The following GID4 variants were observed in gnomAD, a reference collection of about 807,000 sequenced individuals.
GID4 encodes the protein GID complex subunit 4 homolog.
A neutral mutation model predicts 32.4 loss-of-function variants in GID4; 7 were observed. The ratio of observed to expected loss-of-function variants is 0.22; its 90% CI spans 0.12 to 0.41. The LOEUF (loss-of-function observed/expected upper bound fraction) is 0.41, where lower values mean the gene tolerates loss of function less well. Among genes scored for constraint, GID4 ranks in the 10% least tolerant of loss-of-function variants. The probability of loss-of-function intolerance (pLI) is 1.00; values close to 1 mark genes in which losing one functional copy is unlikely to be tolerated. For missense variants in GID4, 309 were observed against 400.0 expected, an observed-to-expected ratio of 0.77 and a Z score of 1.94; for synonymous variants, 166 against 170.0, an observed-to-expected ratio of 0.98 and a Z score of 0.18.
Position 18,039,598 on chromosome 17 carries a change from C to T in GID4, c.134C>T (p.Pro45Leu). ...RQRAGGRPSR[P>L]HPARARPGLS... ...CGGGCGGGTGGTCGCCCCTCCCGCC[C>T]CCACCCCGCGCGTGCGCGCCCCGGC... The change falls in exon 1 of 6, where the codon CCC (proline) becomes CTC (leucine). Residue 45 changes from proline (P) to leucine (L), a missense_variant. By Grantham distance (98) the Pro-to-Leu change is moderately conservative (BLOSUM62 -3). Coordinates refer to ENST00000268719, the MANE Select transcript of GID4 (RefSeq NM_024052.5). The surrounding 1 kb of genome is among the most constrained non-coding windows in gnomAD (Gnocchi z 5.3). The T allele has an allele frequency of 7.7e-7, 1 of 1,296,056 alleles. No homozygotes were observed. The highest frequency in any genetic ancestry group is 1.6e-5 in the African/African-American group (1 of 64,392). 80.3% of individuals were successfully genotyped at this position (1,296,056 alleles called of 1,614,324 possible). A position where few individuals can be genotyped will look rare whatever the true frequency, so the allele number is the denominator to read the frequency against.
At chr17:18,056,199 A>T (rs2044965488) in intron 3 of GID4, among the ~76,000 whole-genome samples, 1 of 152,214 alleles carries the variant, frequency 6.6e-6, no homozygotes, top group South Asian at 2.1e-4. Context: ...TCTATCAAAT[A>T]CTGAGGTTCA....
rs1205382797 is a variant in GID4, at chr17:18,067,739, G to A, written c.*2496G>A. 2 of 152,590 alleles carry A rather than the reference G, an allele frequency of 1.3e-5. No homozygotes were observed. Among genetic ancestry groups the A allele is most frequent in the East Asian group, 1.9e-4 (1 of 5,198 alleles). 9.5% of individuals were successfully genotyped at this position (152,590 alleles called of 1,614,324 possible). ...TGTGCAATATTTTTGGTTGACACTTGTATCCATCCTTAAGAAATTAGTGCA... is the reference window on the plus strand; with the variant it reads ...TGTGCAATATTTTTGGTTGACACTTATATCCATCCTTAAGAAATTAGTGCA... On this transcript the variant is annotated 3_prime_UTR_variant, in exon 6 of 6. Transcript: ENST00000268719.
chr17:18,053,384 G>T (rs759735499), intron 2 of GID4, among the ~76,000 whole-genome samples: 2 of 151,388 alleles, frequency 1.3e-5, no homozygotes, highest in Non-Finnish European at 2.9e-5. Flanking sequence ...AGGCCAAGGC[G>T]GGTGGATCAC....
Position 18,061,987 on chromosome 17 carries a change from T to G in GID4, c.839+12T>G, listed in dbSNP as rs2045021156. On this transcript the variant is annotated intron_variant, in intron 5 of 5. Coordinates refer to ENST00000268719, the MANE Select transcript of GID4 (RefSeq NM_024052.5). This position sits in a 1 kb window ranked among gnomAD's most constrained non-coding sequence, Gnocchi z 4.4. ...AGGAGTTCAGAATGGTGAGGACCTCTGAGGACAGAGGCCACGGGGAGGGCT... is the reference window on the plus strand; with the variant it reads ...AGGAGTTCAGAATGGTGAGGACCTCGGAGGACAGAGGCCACGGGGAGGGCT... 1 of 1,612,806 alleles carries G rather than the reference T, an allele frequency of 6.2e-7. No individual in the cohort carries two copies.
intron 5 of GID4, among the ~76,000 whole-genome samples, chr17:18,063,824 C>T (rs1225571535): frequency 6.6e-6 from 1 of 152,160 alleles, no homozygotes; most frequent in Non-Finnish European, 1.5e-5. Flanking sequence ...CTCACTGCAA[C>T]CTCCGCCTCC....
chr17:18,046,621 TA>T (rs541538647), intron 2 of GID4, among the ~76,000 whole-genome samples: 164 of 138,336 alleles, frequency 1.2e-3, no homozygotes, highest in Non-Finnish European at 1.2e-3. Flanking sequence ...CCTCTCTCTT[TA>T]AAAAAAAAAA....
Position 18,039,759 on chromosome 17 carries a change from G to T in GID4, c.295G>T (p.Ala99Ser). The T allele has an allele frequency of 6.4e-7, 1 of 1,563,826 alleles. No homozygotes were observed. The highest frequency in any genetic ancestry group is 8.6e-7 in the Non-Finnish European group (1 of 1,157,488). Residue 99 changes from alanine (A) to serine (S), a missense_variant, in exon 1 of 6, where the codon GCC becomes TCC. Physicochemically the swap from Ala to Ser is moderately conservative, Grantham distance 99. This residue lies in a region of GID4 where 193 missense variants were observed against 185.8 expected (regional missense o/e 1.04). Coordinates refer to ENST00000268719, the MANE Select transcript of GID4 (RefSeq NM_024052.5). This position sits in a 1 kb window ranked among gnomAD's most constrained non-coding sequence, Gnocchi z 5.3. ...TCCCCCGCCGGCCGGTGCCTCCGCT[G>T]CCTCCGCGGCCTCACTCATCCCGCC... Reference protein sequence around the residue: ...ECPPPAGASAASAASLIPPPP... With the variant: ...ECPPPAGASASSAASLIPPPP...
In GID4 at chr17:18,061,766, C is replaced by A; in HGVS notation, c.709-79C>A. The A allele has an allele frequency of 2.2e-6, 3 of 1,386,860 alleles. No homozygotes were observed. Among genetic ancestry groups the A allele is most frequent in the Non-Finnish European group, 3.1e-6 (3 of 981,064 alleles). 85.9% of individuals were successfully genotyped at this position (1,386,860 alleles called of 1,614,324 possible). A position where few individuals can be genotyped will look rare whatever the true frequency, so the allele number is the denominator to read the frequency against. ...TATTTTTCTCGAGTGGTCCTTAGAACCCCCTGATGCTTAACAGGGAGGCCC... is the reference window on the plus strand; with the variant it reads ...TATTTTTCTCGAGTGGTCCTTAGAAACCCCTGATGCTTAACAGGGAGGCCC... On this transcript the variant is annotated intron_variant, in intron 4 of 5. Transcript: ENST00000268719. The surrounding 1 kb of genome is among the most constrained non-coding windows in gnomAD (Gnocchi z 4.4).
At chr17:18,057,216 G>A in intron 3 of GID4, 1 of 630,126 alleles carries the variant, frequency 1.6e-6, no homozygotes, top group Non-Finnish European at 2.6e-6. Flanking sequence ...TGGATCACCT[G>A]AGGTCAGGAG....
intron 4 of GID4, among the ~76,000 whole-genome samples, chr17:18,059,174 A>G (rs2044997192): frequency 6.6e-6 from 1 of 152,212 alleles, no homozygotes; most frequent in Non-Finnish European, 1.5e-5. Flanking sequence ...CCGATGTCCC[A>G]GACAGCTCCT....
At chr17:18,059,108 G>A in intron 4 of GID4, 139 bp downstream of exon 4, 2 of 604,444 alleles carry the variant, frequency 3.3e-6, no homozygotes, top group Non-Finnish European at 5.9e-6. Context: ...TCATGGCAGG[G>A]TCTTTGCACG....
In GID4 at chr17:18,039,579, G is replaced by A; in HGVS notation, c.115G>A (p.Gly39Ser). ...PERLLRRQRA[G>S]GRPSRPHPAR... ...GCGCTTGCTCCGCAGGCAGCGGGCG[G>A]GTGGTCGCCCCTCCCGCCCCCACCC... is the stretch of plus-strand genomic sequence containing the variant. Residue 39 changes from glycine (G) to serine (S), a missense_variant, in exon 1 of 6, where the codon GGT (glycine) becomes AGT (serine). By Grantham distance (56) the Gly-to-Ser change is moderately conservative. Transcript: ENST00000268719. This position sits in a 1 kb window ranked among gnomAD's most constrained non-coding sequence, Gnocchi z 5.3. The A allele has an allele frequency of 2.3e-6, 3 of 1,303,322 alleles. No homozygotes were observed. Among genetic ancestry groups the A allele is most frequent in the Non-Finnish European group, 2.9e-6 (3 of 1,030,256 alleles). The allele number at this position is 1,303,322 out of a possible 1,614,324, so 80.7% of individuals were successfully genotyped here.
At chr17:18,054,390 C>G (rs1199921726) in intron 3 of GID4, among the ~76,000 whole-genome samples, 156 bp downstream of exon 3, 1 of 152,176 alleles carries the variant, frequency 6.6e-6, no homozygotes, top group African/African-American at 2.4e-5. Flanking sequence ...TTCCATCTTC[C>G]TTATGAGGAC....
chr17:18,045,116 TTG>T, intron 1 of GID4, 29 bp from the exon 2 acceptor site: 1 of 1,577,372 alleles, frequency 6.3e-7, no homozygotes, highest in Non-Finnish European at 8.7e-7. Flanking sequence ...GTTTATCTAT[TTG>T]TGACAGGCTG....
At chr17:18,064,124 G>A (rs1267848214) in intron 5 of GID4, among the ~76,000 whole-genome samples, 1 of 152,180 alleles carries the variant, frequency 6.6e-6, no homozygotes, top group Non-Finnish European at 1.5e-5. Flanking sequence ...TGTGAATAAT[G>A]CTGCTGTGAA....
At chr17:18,050,611 A>G (rs1047950323) in intron 2 of GID4, among the ~76,000 whole-genome samples, 1 of 152,210 alleles carries the variant, frequency 6.6e-6, no homozygotes, top group Admixed American at 6.5e-5. Flanking sequence ...CACAAAAACA[A>G]AAGTGCCAGT....
At chr17:18,056,965 G>T in intron 3 of GID4, 3 of 1,550,598 alleles carry the variant, frequency 1.9e-6, no homozygotes, top group Non-Finnish European at 2.6e-6. Context: ...ACCTGGGTTT[G>T]TCTGAGATTT....
chr17:18,045,785 T>C (rs1224361792), intron 2 of GID4, among the ~76,000 whole-genome samples: 2 of 151,468 alleles, frequency 1.3e-5, no homozygotes, highest in Non-Finnish European at 2.9e-5. Context: ...TTCCAGGTAC[T>C]TGGGAGTCTG....
intron 2 of GID4, among the ~76,000 whole-genome samples, chr17:18,050,210 A>G (rs2044896927): frequency 6.6e-6 from 1 of 152,202 alleles, no homozygotes; most frequent in Admixed American, 6.5e-5. Context: ...TCTTTATAGT[A>G]GAATGATTTA....
Sources: gnomAD v4.1 joint callset for allele counts (sites outside exome capture counted in the v4.1 genomes callset) on GRCh38, gnomAD v4.1.1 for gene constraint, gnomAD v4.1.1 regional missense constraint, Gnocchi (gnomAD v3.1) non-coding constraint, MANE v1.5 for transcripts, NCBI Gene and HGNC (gene_info 2026-07-23, HGNC 2026-07-21) for gene names.